MB21D2: variants seen among roughly 807,000 people sequenced by gnomAD.
MB21D2 encodes Mab-21 domain containing 2.
A neutral mutation model predicts 33.3 loss-of-function variants in MB21D2; 9 were observed. The observed-to-expected ratio is 0.27, with a 90% CI of 0.16 to 0.47. The LOEUF is 0.47. Among genes scored for constraint, MB21D2 ranks in the 20% least tolerant of loss-of-function variants. The pLI, the probability that MB21D2 is intolerant of heterozygous loss-of-function variation, is 0.99. For missense variants in MB21D2, 540 were observed against 624.6 expected (o/e 0.86, Z 1.44); for synonymous variants, 241 against 236.3 (o/e 1.02, Z -0.18).
intron 1 of MB21D2, among the ~76,000 whole-genome samples, chr3:192,881,971 A>T (rs1713606531): frequency 6.6e-6 from 1 of 152,142 alleles, no homozygotes; most frequent in African/African-American, 2.4e-5. Flanking sequence ...CCTCTTGCTT[A>T]TCCCACAAAA....
At chr3:192,889,575 C>T (rs1283564756) in intron 1 of MB21D2, among the ~76,000 whole-genome samples, 1 of 152,040 alleles carries the variant, frequency 6.6e-6, no homozygotes, top group Non-Finnish European at 1.5e-5. Flanking sequence ...CTTGCCCAGG[C>T]CAGGTCCTAC....
intron 1 of MB21D2, among the ~76,000 whole-genome samples, chr3:192,855,815 G>A (rs1560240473): frequency 6.6e-6 from 1 of 152,226 alleles, no homozygotes; most frequent in Admixed American, 6.5e-5. Flanking sequence ...GCTCATGCCT[G>A]TAATCCCAGC....
chr3:192,877,909 GTAGT>G (rs1426945179), intron 1 of MB21D2, among the ~76,000 whole-genome samples: 3 of 151,314 alleles, frequency 2.0e-5, no homozygotes, highest in Admixed American at 2.0e-4. Flanking sequence ...AAAGATACAA[GTAGT>G]TAAAGATTTG....
chr3:192,832,031 A>C (rs1395147535), intron 1 of MB21D2, among the ~76,000 whole-genome samples: 1 of 152,218 alleles, frequency 6.6e-6, no homozygotes, highest in African/African-American at 2.4e-5. Flanking sequence ...AGAGGAAAAA[A>C]AACAGTCAAG....
chr3:192,872,827 A>C (rs1181882957), intron 1 of MB21D2, among the ~76,000 whole-genome samples: 1 of 152,158 alleles, frequency 6.6e-6, no homozygotes, highest in Admixed American at 6.5e-5. Context: ...CTTTAAAAAC[A>C]GGGGCCCCAG....
At chr3:192,845,668 C>T (rs1177449628) in intron 1 of MB21D2, among the ~76,000 whole-genome samples, 1 of 152,238 alleles carries the variant, frequency 6.6e-6, no homozygotes, top group African/African-American at 2.4e-5. Flanking sequence ...GCAACAGAGA[C>T]TGAAATGTCA....
chr3:192,910,336 G>C (rs1227286082), intron 1 of MB21D2, among the ~76,000 whole-genome samples: 1 of 151,464 alleles, frequency 6.6e-6, no homozygotes, highest in Non-Finnish European at 1.5e-5. Context: ...AAATTAACTA[G>C]GCATGGCTGT....
intron 1 of MB21D2, among the ~76,000 whole-genome samples, chr3:192,856,560 G>GT (rs1012957909): frequency 6.6e-5 from 10 of 151,694 alleles, no homozygotes; most frequent in Admixed American, 2.0e-4. Context: ...TTTGTTTTTT[G>GT]TTTTTTTTCT....
At chr3:192,852,261 T>C (rs2108629972) in intron 1 of MB21D2, among the ~76,000 whole-genome samples, 1 of 152,348 alleles carries the variant, frequency 6.6e-6, no homozygotes, top group Non-Finnish European at 1.5e-5. Flanking sequence ...CCTATTTGTA[T>C]GGTCACTCTT....
At chr3:192,892,335 T>C (rs1490718273) in intron 1 of MB21D2, among the ~76,000 whole-genome samples, 1 of 152,236 alleles carries the variant, frequency 6.6e-6, no homozygotes, top group East Asian at 1.9e-4. Context: ...TTTGAATTAA[T>C]AACCCAAAGC....
intron 1 of MB21D2, among the ~76,000 whole-genome samples, chr3:192,896,743 G>A (rs182818267): frequency 6.6e-6 from 1 of 152,288 alleles, no homozygotes; most frequent in Admixed American, 6.5e-5. Flanking sequence ...TACCATCATT[G>A]GCTAGTTACT....
At chr3:192,884,820 A>G (rs947847536) in intron 1 of MB21D2, among the ~76,000 whole-genome samples, 3 of 152,072 alleles carry the variant, frequency 2.0e-5, no homozygotes, top group African/African-American at 4.8e-5. Context: ...CACCCTACAC[A>G]TAAGAGGAGC....
intron 1 of MB21D2, among the ~76,000 whole-genome samples, chr3:192,899,724 C>T (rs1714052629): frequency 6.6e-6 from 1 of 151,946 alleles, no homozygotes; most frequent in South Asian, 2.1e-4. Context: ...AAACATAGTC[C>T]AAAAAAGGTA....
intron 1 of MB21D2, among the ~76,000 whole-genome samples, chr3:192,823,836 A>G (rs1292088476): frequency 1.3e-5 from 2 of 152,236 alleles, no homozygotes. Context: ...ACAGATTAAC[A>G]GAGTAAAAAA....
At chr3:192,898,540 C>T (rs2133863) in intron 1 of MB21D2, among the ~76,000 whole-genome samples, 78,028 of 151,812 alleles carry the variant, frequency 0.51, 20,170 homozygotes, top group South Asian at 0.53. Flanking sequence ...AGAACACACA[C>T]AGCCATCTTA....
At chr3:192,900,307 A>AAAAAAAAAAAG (rs1560255280) in intron 1 of MB21D2, among the ~76,000 whole-genome samples, 1 of 143,106 alleles carries the variant, frequency 7.0e-6, no homozygotes. Context: ...AAAAAAAAAA[A>AAAAAAAAAAAG]ATCACAGAAA....
At chr3:192,885,350 T>A (rs537858730) in intron 1 of MB21D2, among the ~76,000 whole-genome samples, 12 of 152,210 alleles carry the variant, frequency 7.9e-5, no homozygotes, top group African/African-American at 2.9e-4. Flanking sequence ...TGATTTAAAA[T>A]CCCAAATCTT....
intron 1 of MB21D2, among the ~76,000 whole-genome samples, chr3:192,912,083 G>T (rs915404156): frequency 3.9e-5 from 6 of 152,130 alleles, no homozygotes; most frequent in African/African-American, 1.4e-4. Flanking sequence ...CTAAAAATAT[G>T]GTAGGTCCAG....
chr3:192,880,188 C>CA (rs11425486), intron 1 of MB21D2, among the ~76,000 whole-genome samples: 1,771 of 150,622 alleles, frequency 0.012, 25 homozygotes, highest in African/African-American at 0.026. Context: ...ACTAAAAATA[C>CA]AAAAAAAAAT....
Sources: gnomAD v4.1 joint callset for allele counts (sites outside exome capture counted in the v4.1 genomes callset) on GRCh38, gnomAD v4.1.1 for gene constraint, MANE v1.5 for transcripts, NCBI Gene and HGNC (gene_info 2026-07-23, HGNC 2026-07-21) for gene names.